The following TRMT11 variants were observed in gnomAD, a reference collection of about 807,000 sequenced individuals.
TRMT11 encodes the protein tRNA (guanine(10)-N(2))-methyltransferase TRMT11.
Under a neutral mutation model 62.8 loss-of-function variants are expected in TRMT11, and 53 were observed. That is an observed-to-expected ratio of 0.84 (90% confidence interval 0.68 to 1.06). TRMT11 has a LOEUF of 1.06. TRMT11 is among the 50% of genes least tolerant of loss of function. The pLI, the probability that TRMT11 is intolerant of heterozygous loss-of-function variation, is 0.00. For missense variants in TRMT11, 556 were observed against 553.4 expected, an observed-to-expected ratio of 1.00 and a Z score of -0.05; for synonymous variants, 188 against 190.3, an observed-to-expected ratio of 0.99 and a Z score of 0.10.
chr6:126,260,009 T>A, the TRMT11 span, among the ~76,000 whole-genome samples: 2 of 152,214 alleles, frequency 1.3e-5, no homozygotes, highest in African/African-American at 2.4e-5. Context: ...TAGTTTTTTT[T>A]ATTCATGCAG....
the TRMT11 span, among the ~76,000 whole-genome samples, chr6:126,209,932 G>T: frequency 6.6e-6 from 1 of 152,052 alleles, no homozygotes; most frequent in Non-Finnish European, 1.5e-5. Flanking sequence ...TAGGCTCTAC[G>T]CTCTTCTCAC....
the TRMT11 span, among the ~76,000 whole-genome samples, chr6:126,263,536 A>G: frequency 6.6e-6 from 1 of 152,234 alleles, no homozygotes; most frequent in Non-Finnish European, 1.5e-5. Context: ...TCTAAGACAC[A>G]AAGAGCTAAT....
chr6:126,127,858 G>T (rs1016712214), intron 21 of TRMT11, among the ~76,000 whole-genome samples: 2 of 151,914 alleles, frequency 1.3e-5, no homozygotes, highest in African/African-American at 2.4e-5. Flanking sequence ...CACTTGGTGG[G>T]GATATTGTAG....
chr6:126,258,034 C>T, the TRMT11 span: 3 of 1,392,272 alleles, frequency 2.2e-6, no homozygotes, highest in Non-Finnish European at 3.1e-6. Context: ...TCGACCCTGG[C>T]AGCCTGGGCA....
intron 17 of TRMT11, among the ~76,000 whole-genome samples, chr6:126,070,351 T>C (rs1380890899): frequency 1.3e-5 from 2 of 152,194 alleles, no homozygotes; most frequent in Non-Finnish European, 2.9e-5. Flanking sequence ...CTTCTCTTCT[T>C]GTCTTTCATT....
At chr6:126,030,278 A>G (rs1214829869) in intron 12 of TRMT11, among the ~76,000 whole-genome samples, 4 of 152,198 alleles carry the variant, frequency 2.6e-5, no homozygotes, top group Admixed American at 2.0e-4. Context: ...GGAAGCTTTG[A>G]TAAGGAGAGC....
intron 21 of TRMT11, among the ~76,000 whole-genome samples, chr6:126,133,450 C>T (rs1033574282): frequency 5.3e-5 from 8 of 151,970 alleles, no homozygotes; most frequent in African/African-American, 1.9e-4. Flanking sequence ...CTCTCCTTGC[C>T]AGTCTTTTCA....
At chr6:126,163,702 G>A (rs1381376163) in intron 21 of TRMT11, among the ~76,000 whole-genome samples, 1 of 152,056 alleles carries the variant, frequency 6.6e-6, no homozygotes, top group Non-Finnish European at 1.5e-5. Context: ...TTGGTTGGTA[G>A]GTTATTAATT....
At chr6:126,038,348 C>G (rs887141822) in intron 12 of TRMT11, among the ~76,000 whole-genome samples, 4 of 148,902 alleles carry the variant, frequency 2.7e-5, no homozygotes, top group African/African-American at 1.0e-4. Context: ...TCCATAGGCA[C>G]AGATGACTTC....
intron 21 of TRMT11, among the ~76,000 whole-genome samples, chr6:126,121,962 T>C (rs972043024): frequency 4.6e-5 from 7 of 152,106 alleles, no homozygotes; most frequent in Admixed American, 1.3e-4. Context: ...TCATTTTGAA[T>C]TGTAGCTCCC....
At chr6:126,176,263 A>C (rs1048941221), upstream of TRMT11, among the ~76,000 whole-genome samples, 1 of 152,212 alleles carries the variant, frequency 6.6e-6, no homozygotes, top group African/African-American at 2.4e-5. Context: ...CCCCTGGTTA[A>C]GTGTCTTTTT....
chr6:126,041,400 C>T (rs1029077055), downstream of TRMT11, among the ~76,000 whole-genome samples: 2 of 151,940 alleles, frequency 1.3e-5, no homozygotes, highest in African/African-American at 4.8e-5. Context: ...GGAAATTAGA[C>T]GTTGAGGTTG....
At chr6:126,081,816 C>G (rs1252920789) in intron 17 of TRMT11, among the ~76,000 whole-genome samples, 1 of 152,100 alleles carries the variant, frequency 6.6e-6, no homozygotes, top group Non-Finnish European at 1.5e-5. Flanking sequence ...GCCTTATGTT[C>G]CAGCAGATCC....
chr6:126,258,210 G>A, the TRMT11 span: 15 of 662,478 alleles, frequency 2.3e-5, no homozygotes, highest in African/African-American at 1.4e-4. Context: ...TTCCCTTGGC[G>A]CCTCACTGGG....
At chr6:126,034,262 A>G (rs187536288) in intron 12 of TRMT11, among the ~76,000 whole-genome samples, 1 of 152,270 alleles carries the variant, frequency 6.6e-6, no homozygotes, top group Non-Finnish European at 1.5e-5. Flanking sequence ...TTGTGTCCCT[A>G]TCTGTAAAAT....
chr6:126,270,648 A>G, the TRMT11 span, among the ~76,000 whole-genome samples: 1 of 152,206 alleles, frequency 6.6e-6, no homozygotes, highest in Non-Finnish European at 1.5e-5. Flanking sequence ...TGAGGAATTA[A>G]GCAAAACTTT....
At chr6:126,063,663 C>T (rs1244814584) in intron 17 of TRMT11, among the ~76,000 whole-genome samples, 1 of 152,192 alleles carries the variant, frequency 6.6e-6, no homozygotes, top group Non-Finnish European at 1.5e-5. Context: ...CTGTTTCCAT[C>T]ATGCTTGGAG....
chr6:126,023,052 CT>C (rs758971839), intron 12 of TRMT11, among the ~76,000 whole-genome samples: 2 of 152,100 alleles, frequency 1.3e-5, no homozygotes, highest in Non-Finnish European at 2.9e-5. Context: ...TAACACCTTG[CT>C]TTTCTTAAAA....
the TRMT11 span, among the ~76,000 whole-genome samples, chr6:126,248,916 G>T: frequency 2.6e-5 from 4 of 152,052 alleles, no homozygotes; most frequent in African/African-American, 9.7e-5. Context: ...AAGAAATCCA[G>T]TTAAACACCA....
Sources: gnomAD v4.1 joint callset for allele counts (sites outside exome capture counted in the v4.1 genomes callset) on GRCh38, gnomAD v4.1.1 for gene constraint, MANE v1.5 for transcripts, NCBI Gene and HGNC (gene_info 2026-07-23, HGNC 2026-07-21) for gene names.